The following ANK2 variants were observed in gnomAD, a reference collection of about 807,000 sequenced individuals.
ANK2 encodes ankyrin 2.
In ANK2, 83 loss-of-function variants were observed where a neutral mutation model predicts 360.5. The observed-to-expected ratio is 0.23, with a 90% CI of 0.19 to 0.28. The LOEUF is 0.28. Among genes scored for constraint, ANK2 ranks in the 10% least tolerant of loss-of-function variants. ANK2 has a pLI of 1.00. For missense variants in ANK2, 4,201 were observed against 4,795.7 expected, an observed-to-expected ratio of 0.88 and a Z score of 3.66; for synonymous variants, 1,740 against 1,759.5, an observed-to-expected ratio of 0.99 and a Z score of 0.28.
the ANK2 span, among the ~76,000 whole-genome samples, chr4:112,744,556 G>A: frequency 6.6e-6 from 1 of 151,874 alleles, no homozygotes; most frequent in East Asian, 1.9e-4. Context: ...TACGATGTTG[G>A]CCAGGCTGGT....
Position 113,367,443 on chromosome 4 carries a change from C to T in ANK2, c.11033-123C>T, listed in dbSNP as rs2096576800. 5.7e-6 allele frequency: 5 copies of T among 882,010 alleles called. No homozygotes were observed. In the Admixed American group the frequency reaches 1.1e-4, roughly 19 times the overall value. 54.6% of individuals were successfully genotyped at this position (882,010 alleles called of 1,614,324 possible). A position where few individuals can be genotyped will look rare whatever the true frequency, so the allele number is the denominator to read the frequency against. On this transcript the variant is annotated intron_variant, in intron 41 of 45. Coordinates refer to ENST00000357077, the MANE Select transcript of ANK2 (RefSeq NM_001148.6). ...CTTCTTCATCTTTGTAATCCATGGG[C>T]CCATCTCAGGATGTAGCACATTTAT...
At chr4:113,074,441 G>A (rs1163611202) in intron 1 of ANK2, among the ~76,000 whole-genome samples, 1 of 152,156 alleles carries the variant, frequency 6.6e-6, no homozygotes, top group Non-Finnish European at 1.5e-5. Context: ...GTCTCCTCAT[G>A]TGCATAATAT....
At chr4:113,333,287 G>GGTGTGTGTTTGTGT in intron 29 of ANK2, 79 bp downstream of exon 29, 1 of 1,489,140 alleles carries the variant, frequency 6.7e-7, no homozygotes, top group Middle Eastern at 1.7e-4. Flanking sequence ...ATGACCTAGG[G>GGTGTGTGTTTGTGT]GTGTGTGTAT....
chr4:113,309,307 A>G (rs1344718137), intron 23 of ANK2, among the ~76,000 whole-genome samples: 1 of 152,188 alleles, frequency 6.6e-6, no homozygotes. Context: ...CTGAGACATA[A>G]TCAAGACATT....
intron 5 of ANK2, among the ~76,000 whole-genome samples, chr4:113,236,598 T>G (rs1312470166): frequency 6.6e-6 from 1 of 152,224 alleles, no homozygotes; most frequent in Non-Finnish European, 1.5e-5. Context: ...TCAGTCACCA[T>G]ATCTTTGATT....
chr4:113,247,551 G>A (rs2043674122), intron 9 of ANK2, among the ~76,000 whole-genome samples: 1 of 152,194 alleles, frequency 6.6e-6, no homozygotes, highest in Non-Finnish European at 1.5e-5. Context: ...ATTACACAAA[G>A]ACTATTTCAT....
At chr4:112,766,135 C>T in the ANK2 span, among the ~76,000 whole-genome samples, 1 of 151,950 alleles carries the variant, frequency 6.6e-6, no homozygotes, top group Non-Finnish European at 1.5e-5. Context: ...AGTTCGAGAC[C>T]AGCCTGGCCA....
chr4:113,312,821 GA>G (rs1390468098), intron 24 of ANK2, among the ~76,000 whole-genome samples: 1 of 152,208 alleles, frequency 6.6e-6, no homozygotes, highest in African/African-American at 2.4e-5. Context: ...TTCTGCCAGT[GA>G]GAAAGAGGAT....
intron 13 of ANK2, among the ~76,000 whole-genome samples, chr4:113,261,095 A>T: frequency 6.6e-6 from 1 of 152,216 alleles, no homozygotes; most frequent in South Asian, 2.1e-4. Context: ...TGCTTTGGAC[A>T]TGAGCATACC....
Position 113,113,717 on chromosome 4 carries a change from A to G in ANK2, c.85-60699A>G, listed in dbSNP as rs558937071. ...AGCCTTTTAATGTGGTGCATGCATCATTTCAATGGCTGTGAGCTCCTGGAA... is the reference window on the plus strand; with the variant it reads ...AGCCTTTTAATGTGGTGCATGCATCGTTTCAATGGCTGTGAGCTCCTGGAA... On this transcript the variant is annotated intron_variant, in intron 1 of 45. Coordinates refer to ENST00000357077, the MANE Select transcript of ANK2 (RefSeq NM_001148.6). Among the ~76,000 whole-genome samples the G allele has an allele frequency of 1.8e-4, 27 of 152,256 alleles. 1 individual carries two copies. The highest frequency in any genetic ancestry group is 1.7e-3 in the Admixed American group (26 of 15,286).
At chr4:113,310,755 A>G (rs1365652292) in intron 23 of ANK2, among the ~76,000 whole-genome samples, 2 of 152,216 alleles carry the variant, frequency 1.3e-5, no homozygotes, top group African/African-American at 2.4e-5. Flanking sequence ...GCTTTTTGCA[A>G]GGGATCCATA....
At chr4:113,127,487 T>G (rs1168209014) in intron 1 of ANK2, among the ~76,000 whole-genome samples, 1 of 151,674 alleles carries the variant, frequency 6.6e-6, no homozygotes, top group African/African-American at 2.4e-5. Flanking sequence ...TAATACATAG[T>G]AGATGTGTAT....
chr4:112,792,406 A>T, the ANK2 span, among the ~76,000 whole-genome samples: 2 of 152,180 alleles, frequency 1.3e-5, no homozygotes, highest in African/African-American at 4.8e-5. Flanking sequence ...ATCAGGCAGG[A>T]TATCAGAATT....
chr4:113,222,803 T>A (rs1427513344), intron 4 of ANK2, among the ~76,000 whole-genome samples: 1 of 152,232 alleles, frequency 6.6e-6, no homozygotes, highest in African/African-American at 2.4e-5. Context: ...TATGAACTAA[T>A]CTTTTAATCA....
At chr4:112,783,395 T>A in the ANK2 span, among the ~76,000 whole-genome samples, 11 of 152,210 alleles carry the variant, frequency 7.2e-5, 1 homozygote, top group Non-Finnish European at 1.3e-4. Flanking sequence ...ATTGGCAGTG[T>A]CATGTGGTTT....
intron 23 of ANK2, among the ~76,000 whole-genome samples, chr4:113,305,339 CAA>C (rs10667489): frequency 2.1e-5 from 2 of 96,994 alleles, no homozygotes; most frequent in African/African-American, 4.2e-5. Flanking sequence ...GACTCCGTCT[CAA>C]AAAAAAAAAA....
chr4:112,910,385 T>C (rs1199302698), intron 2 of ANK2, among the ~76,000 whole-genome samples: 1 of 152,204 alleles, frequency 6.6e-6, no homozygotes, highest in Non-Finnish European at 1.5e-5. Flanking sequence ...TTTATTCAGT[T>C]GCACAGGGAA....
intron 1 of ANK2, among the ~76,000 whole-genome samples, chr4:113,151,442 G>A (rs1282139409): frequency 6.6e-6 from 1 of 152,102 alleles, no homozygotes; most frequent in Admixed American, 6.5e-5. Flanking sequence ...AAACCAGGGG[G>A]AGGTGCCAGG....
chr4:113,232,512 C>G (rs1253911617), intron 5 of ANK2, among the ~76,000 whole-genome samples: 2 of 152,204 alleles, frequency 1.3e-5, no homozygotes, highest in African/African-American at 4.8e-5. Flanking sequence ...TTTCCATCCT[C>G]TGACCTTTTA....
Sources: gnomAD v4.1 joint callset for allele counts (sites outside exome capture counted in the v4.1 genomes callset) on GRCh38, gnomAD v4.1.1 for gene constraint, MANE v1.5 for transcripts, NCBI Gene and HGNC (gene_info 2026-07-23, HGNC 2026-07-21) for gene names.